The following RYR2 variants were observed in gnomAD, a reference collection of about 807,000 sequenced individuals.
RYR2 encodes the protein cardiac muscle ryanodine receptor-calcium release channel.
In RYR2, 227 loss-of-function variants were observed where a neutral mutation model predicts 601.1. The observed-to-expected ratio is 0.38, with a 90% CI of 0.34 to 0.42. The LOEUF (loss-of-function observed/expected upper bound fraction) is 0.42, where lower values mean the gene tolerates loss of function less well. Among genes scored for constraint, RYR2 ranks in the 10% least tolerant of loss-of-function variants. RYR2 has a pLI of 1.00. For missense variants in RYR2, 4,646 were observed against 6,156.5 expected, an observed-to-expected ratio of 0.75 and a Z score of 8.21; for synonymous variants, 2,223 against 2,175.1, an observed-to-expected ratio of 1.02 and a Z score of -0.61.
intron 38 of RYR2, among the ~76,000 whole-genome samples, chr1:237,620,304 A>G (rs1307167040): frequency 6.6e-6 from 1 of 152,166 alleles, no homozygotes; most frequent in Non-Finnish European, 1.5e-5. Flanking sequence ...TATATAAAAT[A>G]ATACTCAGAG....
chr1:237,093,283 G>C (rs1402311944), intron 1 of RYR2, among the ~76,000 whole-genome samples: 1 of 152,196 alleles, frequency 6.6e-6, no homozygotes, highest in East Asian at 1.9e-4. Flanking sequence ...AGTGACATTG[G>C]CTGGGACACG....
chr1:237,565,690 C>T (rs1559037086), intron 27 of RYR2, among the ~76,000 whole-genome samples: 1 of 152,204 alleles, frequency 6.6e-6, no homozygotes, highest in Admixed American at 6.5e-5. Flanking sequence ...ATTTCCTCCT[C>T]TGCATCTAAC....
intron 3 of RYR2, among the ~76,000 whole-genome samples, chr1:237,352,073 TTAAATA>T (rs1323886229): frequency 2.0e-5 from 3 of 152,068 alleles, no homozygotes; most frequent in African/African-American, 7.2e-5. Flanking sequence ...TAAAACATTT[TTAAATA>T]TTAAACACCT....
At chr1:237,746,790 G>A (rs1692114997) in intron 80 of RYR2, among the ~76,000 whole-genome samples, 1 of 152,036 alleles carries the variant, frequency 6.6e-6, no homozygotes, top group East Asian at 1.9e-4. Flanking sequence ...TGTTTTACCA[G>A]TTACCTGAAA....
intron 1 of RYR2, among the ~76,000 whole-genome samples, chr1:237,133,874 G>A (rs923709419): frequency 2.3e-4 from 30 of 131,758 alleles, no homozygotes; most frequent in African/African-American, 7.8e-4. Flanking sequence ...GCAGTGAGCC[G>A]AGATCACGTC....
chr1:237,226,919 C>A (rs1684427437), intron 1 of RYR2, among the ~76,000 whole-genome samples: 1 of 152,038 alleles, frequency 6.6e-6, no homozygotes, highest in Admixed American at 6.5e-5. Context: ...CAGGTGTGCA[C>A]CACTACACCT....
chr1:237,585,312 G>A lies in RYR2; in HGVS notation c.3599-4481G>A, dbSNP rs79210802. Among the ~76,000 whole-genome samples the A allele has an allele frequency of 3.5e-3, 532 of 152,272 alleles. 1 individual carries two copies. The highest frequency in any genetic ancestry group is 0.012 in the African/African-American group (496 of 41,558). ...TAAACTAAGATTTTGGTTTCCTCAT[G>A]TGGAAAATGGTAATAACGATTCCTA... On this transcript the variant is annotated intron_variant, in intron 29 of 104. Transcript: ENST00000366574.
chr1:237,126,105 C>A (rs555508712), intron 1 of RYR2, among the ~76,000 whole-genome samples: 1 of 152,238 alleles, frequency 6.6e-6, no homozygotes, highest in Admixed American at 6.5e-5. Flanking sequence ...GGCATGGTGG[C>A]GGGCGCCTGT....
chr1:237,248,922 C>T (rs202028397), intron 1 of RYR2, among the ~76,000 whole-genome samples: 3 of 151,954 alleles, frequency 2.0e-5, no homozygotes, highest in Non-Finnish European at 2.9e-5. Flanking sequence ...CCACCACGTC[C>T]GGCTAATGTT....
intron 36 of RYR2, among the ~76,000 whole-genome samples, chr1:237,612,247 C>T (rs1360831711): frequency 2.0e-5 from 3 of 152,088 alleles, no homozygotes; most frequent in East Asian, 1.9e-4. Flanking sequence ...TCTTTAGAAA[C>T]GAAAAGTAGA....
intron 24 of RYR2, among the ~76,000 whole-genome samples, chr1:237,521,630 G>C (rs142570154): frequency 0.014 from 2,156 of 152,020 alleles, 30 homozygotes; most frequent in Middle Eastern, 0.051. Context: ...TGAGGCAGGA[G>C]AATTGCTTGA....
chr1:237,580,961 G>A (rs1054347181), intron 29 of RYR2, among the ~76,000 whole-genome samples: 5 of 152,164 alleles, frequency 3.3e-5, no homozygotes, highest in Admixed American at 1.3e-4. Context: ...CATTTCTGTG[G>A]TTTAAGTCAC....
At chr1:237,674,244 C>G (rs749329506) in intron 59 of RYR2, 25 bp downstream of exon 59, 3 of 1,568,328 alleles carry the variant, frequency 1.9e-6, no homozygotes. Flanking sequence ...ACCCTAAGTA[C>G]ACACTCTTTT....
intron 3 of RYR2, among the ~76,000 whole-genome samples, chr1:237,335,199 G>A (rs1046104100): frequency 7.2e-5 from 11 of 152,100 alleles, no homozygotes; most frequent in African/African-American, 2.2e-4. Context: ...GTTGATGATA[G>A]CATTTGCTTG....
At chr1:237,583,426 C>A (rs1181500958) in intron 29 of RYR2, among the ~76,000 whole-genome samples, 2 of 152,116 alleles carry the variant, frequency 1.3e-5, no homozygotes, top group Admixed American at 6.6e-5. Flanking sequence ...CATTTAACTA[C>A]CTATAGAAAC....
intron 4 of RYR2, among the ~76,000 whole-genome samples, chr1:237,363,279 T>A (rs190624971): frequency 3.9e-5 from 6 of 152,230 alleles, no homozygotes; most frequent in Non-Finnish European, 7.4e-5. Context: ...ATATTATGTA[T>A]GATTAATATC....
At chr1:237,071,662 C>T (rs938822087) in intron 1 of RYR2, among the ~76,000 whole-genome samples, 2 of 152,226 alleles carry the variant, frequency 1.3e-5, no homozygotes, top group South Asian at 4.1e-4. Context: ...CCCCTGGCCC[C>T]CAGGCTTCAG....
At chr1:237,669,449 G>A (rs1386657203) in intron 58 of RYR2, among the ~76,000 whole-genome samples, 1 of 151,636 alleles carries the variant, frequency 6.6e-6, no homozygotes, top group African/African-American at 2.4e-5. Context: ...CCCAGTAGGG[G>A]CGGCCGGGCA....
At position 237,800,931 on chromosome 1, in the gene RYR2, AAAT is replaced by A. The variant is rs372984385; in HGVS notation, c.14091-916_14091-914del. On this transcript the variant is annotated intron_variant, in intron 97 of 104. Coordinates refer to ENST00000366574, the MANE Select transcript of RYR2 (RefSeq NM_001035.3). ...ACCCACAACTGTAAGACAATGTGGA[AAAT>A]AATAATAAAAGGAATTGTCTACAAA... is the stretch of plus-strand genomic sequence containing the variant. Among the ~76,000 whole-genome samples, 30 of 152,292 alleles carry A rather than the reference AAAT, an allele frequency of 2.0e-4. No homozygotes were observed. The East Asian group carries it at 5.8e-3, about 29-fold the overall frequency.
Sources: allele counts gnomAD v4.1 joint callset (sites outside exome capture counted in the v4.1 genomes callset), GRCh38; gene constraint gnomAD v4.1.1; transcripts MANE v1.5; gene names NCBI Gene and HGNC (gene_info 2026-07-23, HGNC 2026-07-21).